APPL1: variants seen among roughly 807,000 people sequenced by gnomAD.
APPL1 encodes the protein DCC-interacting protein 13-alpha.
APPL1 carries 42 observed loss-of-function variants against 106.8 expected under a neutral mutation model. That is an observed-to-expected ratio of 0.39 (90% CI 0.31 to 0.51). The LOEUF (loss-of-function observed/expected upper bound fraction) is 0.51. Among genes scored for constraint, APPL1 ranks in the 20% least tolerant of loss-of-function variants. The pLI, the probability that APPL1 is intolerant of heterozygous loss-of-function variation, is 0.75. For synonymous variants in APPL1, 263 were observed against 281.8 expected, an observed-to-expected ratio of 0.93 and a Z score of 0.67; for missense variants, 769 against 858.2, an observed-to-expected ratio of 0.90 and a Z score of 1.30.
rs1034905970 is a variant in APPL1 at position 57,252,439 on chromosome 3, T to G, written c.1095+128T>G. The G allele has an allele frequency of 2.6e-5, 17 of 655,574 alleles. No individual in the cohort carries two copies. In the Admixed American group the frequency reaches 4.0e-4, roughly 16 times the overall value. The allele number at this position is 655,574 out of a possible 1,614,324, so 40.6% of individuals were successfully genotyped here. A position where few individuals can be genotyped will look rare whatever the true frequency, so the allele number is the denominator to read the frequency against. On this transcript the variant is annotated intron_variant, in intron 12 of 21. Transcript: ENST00000288266. ...AGTTAATTAAAAATCTTTCTTTTTCTTTTTTGTTTTTGTAAAAGTCTATTG... is the reference window on the plus strand; with the variant it reads ...AGTTAATTAAAAATCTTTCTTTTTCGTTTTTGTTTTTGTAAAAGTCTATTG...
intron 1 of APPL1, among the ~76,000 whole-genome samples, chr3:57,233,011 CAAAAAACA>C (rs994789765): frequency 1.3e-5 from 2 of 151,146 alleles, no homozygotes; most frequent in African/African-American, 2.4e-5. Flanking sequence ...CAAAAAAAAC[CAAAAAACA>C]AAAAAACAAA....
chr3:57,251,127 T>A (rs1002586418), intron 11 of APPL1, among the ~76,000 whole-genome samples: 2 of 151,278 alleles, frequency 1.3e-5, no homozygotes, highest in Non-Finnish European at 2.9e-5. Context: ...TAATTTAATA[T>A]TCAGGAGCAG....
chr3:57,263,195 A>G (rs1363028469), intron 19 of APPL1, among the ~76,000 whole-genome samples: 1 of 152,180 alleles, frequency 6.6e-6, no homozygotes, highest in Non-Finnish European at 1.5e-5. Flanking sequence ...TGCTACACTT[A>G]TGCAATGCGT....
rs759454372 is a variant in APPL1, at chr3:57,257,051, G to C, written c.1247G>C (p.Gly416Ala). 20 of 1,613,782 alleles carry C rather than the reference G, an allele frequency of 1.2e-5. No individual in the cohort carries two copies. The African/African-American group carries it at 2.5e-4, about 20-fold the overall frequency. Residue 416 changes from glycine (G) to alanine (A), a missense_variant and splice_region_variant, in exon 14 of 22, where the codon GGA (glycine) becomes GCA (alanine). By Grantham distance (60) the Gly-to-Ala change is moderately conservative. Coordinates refer to ENST00000288266, the MANE Select transcript of APPL1 (RefSeq NM_012096.3). ...CACGAGAGCCTGCGGCCAGCAGCAG[G>C]GTAAGTTACCACACTGAGTTATTTA... ...QRHESLRPAAGQSRPPTARTS... is the reference protein window; with the variant it reads ...QRHESLRPAAAQSRPPTARTS...
At chr3:57,258,731 T>C (rs1220278789) in intron 15 of APPL1, 1 of 261,098 alleles carries the variant, frequency 3.8e-6, no homozygotes, top group Non-Finnish European at 7.2e-6. Flanking sequence ...TCCTCTGTGC[T>C]AGCTTATTTA....
chr3:57,251,589 A>T (rs2060805209), intron 11 of APPL1, among the ~76,000 whole-genome samples: 1 of 151,758 alleles, frequency 6.6e-6, no homozygotes, highest in South Asian at 2.1e-4. Flanking sequence ...GTTTAATTTC[A>T]CATTCCTTCT....
In APPL1 at chr3:57,237,563, C is replaced by A; in HGVS notation, c.213+12C>A. 2 of 1,563,308 alleles carry A rather than the reference C, an allele frequency of 1.3e-6. No individual in the cohort carries two copies. The highest frequency in any genetic ancestry group is 2.4e-5 in the South Asian group (2 of 84,536). ...AATATGAAAAACAGGTATTGTATATCAAAGTTTTAAAAGCATAATTTTAAA... is the reference window on the plus strand; with the variant it reads ...AATATGAAAAACAGGTATTGTATATAAAAGTTTTAAAAGCATAATTTTAAA... On this transcript the variant is annotated intron_variant, in intron 3 of 21. Transcript: ENST00000288266.
intron 12 of APPL1, 54 bp from the exon 13 acceptor site, chr3:57,253,628 C>T (rs759309085): frequency 3.0e-5 from 40 of 1,330,418 alleles, no homozygotes; most frequent in Non-Finnish European, 3.9e-5. Flanking sequence ...TTTGCCTTTA[C>T]AAGAGAAGCT....
intron 18 of APPL1, 60 bp from the exon 19 acceptor site, chr3:57,260,568 C>A: frequency 1.4e-6 from 2 of 1,470,248 alleles, no homozygotes; most frequent in Non-Finnish European, 1.8e-6. Context: ...GAGTTTGTCA[C>A]AAGTGCTGCT....
intron 1 of APPL1, among the ~76,000 whole-genome samples, chr3:57,234,995 GACAAA>G (rs2060708919): frequency 6.6e-6 from 1 of 152,018 alleles, no homozygotes; most frequent in African/African-American, 2.4e-5. Context: ...GTAGAAAAAT[GACAAA>G]ACAAAACAAA....
At chr3:57,237,349 A>G in intron 2 of APPL1, 143 bp from the exon 3 acceptor site, 1 of 606,544 alleles carries the variant, frequency 1.6e-6, no homozygotes. Context: ...TAATGGTAGT[A>G]CCCCTTTCCA....
chr3:57,250,144 C>T (rs955205336), intron 11 of APPL1, among the ~76,000 whole-genome samples: 4 of 152,044 alleles, frequency 2.6e-5, no homozygotes, highest in African/African-American at 9.7e-5. Flanking sequence ...TAAAAAATTT[C>T]TGTTACCTTT....
intron 4 of APPL1, among the ~76,000 whole-genome samples, chr3:57,239,128 C>T (rs942045346): frequency 1.3e-5 from 2 of 152,170 alleles, no homozygotes; most frequent in African/African-American, 2.4e-5. Context: ...CATCAGATCT[C>T]GTGAAACTTA....
chr3:57,269,220 T>G, intron 21 of APPL1: 1 of 185,170 alleles, frequency 5.4e-6, no homozygotes, highest in Non-Finnish European at 1.1e-5. Flanking sequence ...GGGAAAGGAG[T>G]GTGGGGGTGA....
chr3:57,232,714 G>C (rs2060693702), intron 1 of APPL1, among the ~76,000 whole-genome samples: 1 of 151,992 alleles, frequency 6.6e-6, no homozygotes, highest in Non-Finnish European at 1.5e-5. Flanking sequence ...TTGAAAAGTG[G>C]TTCATGGGCC....
intron 10 of APPL1, among the ~76,000 whole-genome samples, 161 bp downstream of exon 10, chr3:57,248,512 A>G (rs935081461): frequency 7.2e-5 from 11 of 152,246 alleles, no homozygotes; most frequent in African/African-American, 2.4e-4. Flanking sequence ...GATGAAGTAC[A>G]TGAATACTTT....
At chr3:57,235,242 A>G (rs746260649) in intron 1 of APPL1, among the ~76,000 whole-genome samples, 1 of 152,210 alleles carries the variant, frequency 6.6e-6, no homozygotes, top group Admixed American at 6.5e-5. Context: ...TATTTATACT[A>G]CATGGAATGC....
chr3:57,229,027 T>C (rs1256345213), intron 1 of APPL1, among the ~76,000 whole-genome samples: 1 of 152,226 alleles, frequency 6.6e-6, no homozygotes, highest in Non-Finnish European at 1.5e-5. Context: ...GGGGCTCTGA[T>C]TGTAGAATTG....
Position 57,235,707 on chromosome 3 carries a change from C to G in APPL1, c.153+43C>G, listed in dbSNP as rs766525507. The stretch of plus-strand genomic sequence containing the variant: ...AACTTGATGCTTTTAAAACACGAAT[C>G]TTTAAGCCTCATGAGGACAGATAGT... On this transcript the variant is annotated intron_variant, in intron 2 of 21. Transcript: ENST00000288266. 7.0e-6 allele frequency: 10 copies of G among 1,420,188 alleles called. No homozygotes were observed. The Admixed American group carries it at 1.7e-4, about 24-fold the overall frequency. 88.0% of individuals were successfully genotyped at this position (1,420,188 alleles called of 1,614,324 possible).
Sources: allele counts gnomAD v4.1 joint callset (sites outside exome capture counted in the v4.1 genomes callset), GRCh38; gene constraint gnomAD v4.1.1; transcripts MANE v1.5; gene names NCBI Gene and HGNC (gene_info 2026-07-23, HGNC 2026-07-21).